Variants in FAM240A observed in about 807,000 individuals in gnomAD.
FAM240A encodes family with sequence similarity 240 member A, also known as protein FAM240A.
A neutral mutation model predicts 7.3 loss-of-function variants in FAM240A; 8 were observed. The observed-to-expected ratio is 1.09, with a 90% CI of 0.64 to 1.97. FAM240A has a LOEUF of 1.97. Ranked by LOEUF, FAM240A falls within the 30% of genes most tolerant of loss-of-function variation. The probability of loss-of-function intolerance (pLI) is 0.00; values close to 1 mark genes in which losing one functional copy is unlikely to be tolerated. For synonymous variants in FAM240A, 32 were observed against 35.9 expected (o/e 0.89, Z 0.38); for missense variants, 90 against 102.2 (o/e 0.88, Z 0.52).
At chr3:46,622,579 CTGCAGT>C (rs1697710556) in intron 2 of FAM240A, among the ~76,000 whole-genome samples, 2 of 152,066 alleles carry the variant, frequency 1.3e-5, no homozygotes, top group South Asian at 4.2e-4. Flanking sequence ...GAGGTATAGC[CTGCAGT>C]TCACTTTTTT....
At chr3:46,620,862 A>T (rs1697685348) in intron 2 of FAM240A, among the ~76,000 whole-genome samples, 1 of 152,170 alleles carries the variant, frequency 6.6e-6, no homozygotes, top group South Asian at 2.1e-4. Flanking sequence ...CCTCTGGTTA[A>T]TTTTTTAAGT....
rs183750274 is a variant in FAM240A, at chr3:46,621,216, C to T, written c.161+3888C>T. Among the ~76,000 whole-genome samples the T allele has an allele frequency of 2.0e-3, 301 of 152,258 alleles. 2 individuals carry two copies. Among genetic ancestry groups the T allele is most frequent in the Middle Eastern group, 0.01 (3 of 294 alleles). On this transcript the variant is annotated intron_variant, in intron 2 of 2. Coordinates refer to ENST00000640551, the MANE Select transcript of FAM240A (RefSeq NM_001195442.2). ...TACTTTGAGGCTACTTTATTAGGTG[C>T]ATGCATATTTAGAAGTGTAATATCT...
intron 1 of FAM240A, among the ~76,000 whole-genome samples, chr3:46,614,512 A>G (rs1160146560): frequency 1.3e-5 from 2 of 152,228 alleles, no homozygotes; most frequent in African/African-American, 4.8e-5. Flanking sequence ...CGTTATGCGG[A>G]TGGAGGTAGA....
rs9832679 is a variant in FAM240A, at chr3:46,617,247, A to G, written c.80A>G (p.His27Arg). The change falls in exon 2 of 3, where the codon CAT becomes CGT. Residue 27 changes from histidine to arginine, a missense_variant. Transcript: ENST00000640551. ...CGGAACACCTGCCATGATCTCAAGC[A>G]TTTCTGGGAAAGGGAAATTGGCAAA... ...FCRNTCHDLK[H>R]FWEREIGKQT... 0.99 allele frequency: 1,521,239 copies of G among 1,535,486 alleles called. 754,671 individuals are homozygous for G. Among genetic ancestry groups the G allele is most frequent in the East Asian group, 1 (40,869 of 40,872 alleles).
intron 1 of FAM240A, 128 bp downstream of exon 1, chr3:46,612,826 A>G: frequency 2.6e-6 from 2 of 763,202 alleles, no homozygotes; most frequent in South Asian, 3.2e-5. Flanking sequence ...ACAAGATTAG[A>G]TGGCGTTTTG....
chr3:46,618,016 C>A (rs114201921), intron 2 of FAM240A, among the ~76,000 whole-genome samples: 1 of 152,170 alleles, frequency 6.6e-6, no homozygotes, highest in African/African-American at 2.4e-5. Flanking sequence ...GAGGGACCGC[C>A]CTTTTGAGCT....
intron 1 of FAM240A, among the ~76,000 whole-genome samples, chr3:46,613,934 T>C (rs1240629854): frequency 6.6e-6 from 1 of 152,162 alleles, no homozygotes; most frequent in Non-Finnish European, 1.5e-5. Context: ...TGTTTGTTTG[T>C]TTGAGACAGG....
intron 2 of FAM240A, among the ~76,000 whole-genome samples, chr3:46,620,268 C>G (rs1697679929): frequency 6.6e-6 from 1 of 150,956 alleles, no homozygotes; most frequent in African/African-American, 2.4e-5. Flanking sequence ...CTAGCAGTGA[C>G]TTCATCTCTC....
At chr3:46,620,878 A>G (rs940104906) in intron 2 of FAM240A, among the ~76,000 whole-genome samples, 1 of 152,210 alleles carries the variant, frequency 6.6e-6, no homozygotes, top group Non-Finnish European at 1.5e-5. Context: ...TAAGTGTGAT[A>G]ATGGCAAGGT....
At chr3:46,622,745 G>A (rs939162231) in intron 2 of FAM240A, among the ~76,000 whole-genome samples, 3 of 152,112 alleles carry the variant, frequency 2.0e-5, no homozygotes, top group African/African-American at 7.2e-5. Flanking sequence ...TTGTCCATTG[G>A]CCCAATGTCA....
intron 2 of FAM240A, among the ~76,000 whole-genome samples, chr3:46,623,517 TCTC>T (rs1258377228): frequency 2.6e-5 from 4 of 152,174 alleles, no homozygotes; most frequent in Non-Finnish European, 4.4e-5. Flanking sequence ...TTTGTCTACT[TCTC>T]CTTGCAGTTC....
chr3:46,619,686 G>A (rs569621150), intron 2 of FAM240A, among the ~76,000 whole-genome samples: 102 of 152,224 alleles, frequency 6.7e-4, no homozygotes, highest in African/African-American at 2.4e-3. Flanking sequence ...CAGATGTCTT[G>A]GCATGCTGGT....
At chr3:46,617,157 A>G in intron 1 of FAM240A, 26 bp from the exon 2 acceptor site, 2 of 1,474,600 alleles carry the variant, frequency 1.4e-6, no homozygotes, top group South Asian at 1.3e-5. Flanking sequence ...TTTTTTGGTT[A>G]TTTGTATGGC....
In FAM240A at chr3:46,615,348, C is replaced by T. The variant is rs540625167; in HGVS notation, c.16-1835C>T. On this transcript the variant is annotated intron_variant, in intron 1 of 2. Transcript: ENST00000640551. ...TCCCCATAGCCCTCCTCCTCCATTTCCCATCTGTGCACAGGCAGAGCCAGG... is the reference window on the plus strand; with the variant it reads ...TCCCCATAGCCCTCCTCCTCCATTTTCCATCTGTGCACAGGCAGAGCCAGG... Among the ~76,000 whole-genome samples the T allele has an allele frequency of 1.3e-4, 19 of 151,880 alleles. No individual in the cohort carries two copies. In the South Asian group the frequency reaches 3.8e-3, roughly 30 times the overall value.
intron 2 of FAM240A, among the ~76,000 whole-genome samples, chr3:46,619,612 G>T (rs1385276066): frequency 6.6e-6 from 1 of 152,166 alleles, no homozygotes; most frequent in African/African-American, 2.4e-5. Context: ...AGTCTTCTGG[G>T]GGTCCCAGCT....
intron 1 of FAM240A, among the ~76,000 whole-genome samples, chr3:46,613,524 T>TAAATAAATAAATAAAA (rs1181530815): frequency 1.7e-4 from 25 of 151,324 alleles, no homozygotes; most frequent in Non-Finnish European, 2.7e-4. Flanking sequence ...AATAAATAAA[T>TAAATAAATAAATAAAA]AAAAAACAAG....
At chr3:46,624,188 C>A (rs929367744) in intron 2 of FAM240A, among the ~76,000 whole-genome samples, 2 of 150,352 alleles carry the variant, frequency 1.3e-5, no homozygotes, top group Admixed American at 6.6e-5. Flanking sequence ...TGCTATTGTA[C>A]AAAGTACAAC....
Position 46,626,389 on chromosome 3 carries a change from T to C in FAM240A, c.*1171T>C, listed in dbSNP as rs559211678. 1.3e-5 allele frequency: 2 copies of C among 152,320 alleles called. No homozygotes were observed. Among genetic ancestry groups the C allele is most frequent in the Admixed American group, 1.3e-4 (2 of 15,288 alleles). 9.4% of individuals were successfully genotyped at this position (152,320 alleles called of 1,614,324 possible). On this transcript the variant is annotated 3_prime_UTR_variant, in exon 3 of 3. Coordinates refer to ENST00000640551, the MANE Select transcript of FAM240A (RefSeq NM_001195442.2). ...GTACAGGGGATCAAAGCCTTCTGTT[T>C]TGGGTTAGATGGTGGTTGCTAGGTG...
rs143687218 is a variant in FAM240A at position 46,620,240 on chromosome 3, T to G, written c.161+2912T>G. Among the ~76,000 whole-genome samples, 109 of 151,434 alleles carry G rather than the reference T, an allele frequency of 7.2e-4. No homozygotes were observed. In the East Asian group the frequency reaches 0.018, roughly 25 times the overall value. On this transcript the variant is annotated intron_variant, in intron 2 of 2. Transcript: ENST00000640551. ...GCCTATTTCTTCCCCACACCCTTCCTGCCCTGGGTCCTGTTTTCTAGCAGT... is the reference window on the plus strand; with the variant it reads ...GCCTATTTCTTCCCCACACCCTTCCGGCCCTGGGTCCTGTTTTCTAGCAGT...
Sources: gnomAD v4.1 joint callset for allele counts (sites outside exome capture counted in the v4.1 genomes callset) on GRCh38, gnomAD v4.1.1 for gene constraint, MANE v1.5 for transcripts, NCBI Gene and HGNC (gene_info 2026-07-23, HGNC 2026-07-21) for gene names.